Variants in KCNIP4 observed in about 807,000 individuals in gnomAD.
KCNIP4 encodes Kv channel-interacting protein 4.
A neutral mutation model predicts 34.0 loss-of-function variants in KCNIP4; 12 were observed. The ratio of observed to expected loss-of-function variants is 0.35; its 90% confidence interval spans 0.23 to 0.57. The LOEUF (loss-of-function observed/expected upper bound fraction) is 0.57, where lower values mean the gene tolerates loss of function less well. Ranked by LOEUF, KCNIP4 falls within the 20% of genes least tolerant of loss-of-function variation. The pLI is 0.83. For synonymous variants in KCNIP4, 124 were observed against 102.2 expected, an observed-to-expected ratio of 1.21 and a Z score of -1.29; for missense variants, 238 against 311.7, an observed-to-expected ratio of 0.76 and a Z score of 1.78.
chr4:21,375,680 C>T (rs543025462), intron 1 of KCNIP4, among the ~76,000 whole-genome samples: 44 of 152,030 alleles, frequency 2.9e-4, no homozygotes, highest in Middle Eastern at 6.8e-3. Flanking sequence ...TGTTGTCTTG[C>T]CTCAGCCTCC....
rs562142930 is a variant in KCNIP4 at position 21,560,301 on chromosome 4, A to T, written c.61+388270T>A. ...GATTTTCAGATTATTGGATCTACAT[A>T]TTTACCATAACTCTGATTAAAGGCC... On this transcript the variant is annotated intron_variant, in intron 1 of 8. Transcript: ENST00000382152. Among the ~76,000 whole-genome samples the T allele has an allele frequency of 7.3e-4, 111 of 152,188 alleles. 1 individual carries two copies. Among genetic ancestry groups the T allele is most frequent in the Middle Eastern group, 3.4e-3 (1 of 294 alleles).
intron 1 of KCNIP4, among the ~76,000 whole-genome samples, chr4:21,715,940 G>A (rs972971349): frequency 1.3e-5 from 2 of 152,130 alleles, no homozygotes; most frequent in South Asian, 2.1e-4. Context: ...ATTAGGGAAG[G>A]AACTGTAAAA....
intron 1 of KCNIP4, among the ~76,000 whole-genome samples, chr4:21,924,937 T>A (rs1201557728): frequency 6.6e-6 from 1 of 152,098 alleles, no homozygotes; most frequent in East Asian, 1.9e-4. Context: ...TCCTGAGTCC[T>A]TAAGATAGTG....
intron 1 of KCNIP4, among the ~76,000 whole-genome samples, chr4:21,141,694 A>G (rs772224473): frequency 1.3e-5 from 2 of 152,160 alleles, no homozygotes; most frequent in Non-Finnish European, 1.5e-5. Flanking sequence ...ATTGAAATGT[A>G]CACTTTAATT....
intron 1 of KCNIP4, among the ~76,000 whole-genome samples, chr4:21,467,296 G>A (rs575467146): frequency 6.6e-6 from 1 of 152,232 alleles, no homozygotes; most frequent in East Asian, 1.9e-4. Flanking sequence ...AAAAAATGTA[G>A]GTTTCCTGCA....
intron 1 of KCNIP4, among the ~76,000 whole-genome samples, chr4:21,082,166 T>C (rs1746061130): frequency 6.6e-6 from 1 of 151,808 alleles, no homozygotes; most frequent in Non-Finnish European, 1.5e-5. Flanking sequence ...GTGTTAGAAA[T>C]AAATATAATG....
rs1756497751 is a variant in KCNIP4 at position 20,777,742 on chromosome 4, TGTA to T, written c.289-18855_289-18853del. Among the ~76,000 whole-genome samples, 3 of 152,126 alleles carry T rather than the reference TGTA, an allele frequency of 2.0e-5. No individual in the cohort carries two copies. In the South Asian group the frequency reaches 6.2e-4, roughly 32 times the overall value. On this transcript the variant is annotated intron_variant, in intron 3 of 8. Transcript: ENST00000382152. ...GTTGTAGATTGCAGAGATGAATTAG[TGTA>T]GTTTATGAAACCATGAAGTTTGACG...
intron 1 of KCNIP4, among the ~76,000 whole-genome samples, chr4:21,368,110 T>A (rs1719968501): frequency 6.8e-6 from 1 of 147,118 alleles, no homozygotes; most frequent in East Asian, 2.0e-4. Context: ...TCCAGCTCTA[T>A]CACTTTTAGT....
At chr4:21,833,176 A>G (rs1723103406) in intron 1 of KCNIP4, among the ~76,000 whole-genome samples, 1 of 151,510 alleles carries the variant, frequency 6.6e-6, no homozygotes, top group Admixed American at 6.6e-5. Flanking sequence ...ACTGACTTCC[A>G]CAATGGTTGA....
At chr4:20,820,384 A>C (rs1389792361) in intron 3 of KCNIP4, among the ~76,000 whole-genome samples, 1 of 152,218 alleles carries the variant, frequency 6.6e-6, no homozygotes, top group African/African-American at 2.4e-5. Flanking sequence ...GGTGGAAGAA[A>C]CTGCTAAGCA....
intron 1 of KCNIP4, among the ~76,000 whole-genome samples, chr4:21,867,779 A>G (rs1725520881): frequency 1.3e-5 from 2 of 152,252 alleles, no homozygotes; most frequent in Admixed American, 6.5e-5. Context: ...TATTCTAAAT[A>G]AATCTTTTCA....
chr4:20,860,579 T>G (rs1722090566), intron 2 of KCNIP4, among the ~76,000 whole-genome samples: 1 of 152,228 alleles, frequency 6.6e-6, no homozygotes, highest in African/African-American at 2.4e-5. Context: ...CTGCTTGACT[T>G]ATATTGCTTT....
intron 1 of KCNIP4, among the ~76,000 whole-genome samples, chr4:21,708,800 C>T (rs983177434): frequency 6.6e-6 from 1 of 152,134 alleles, no homozygotes. Context: ...CCTGTGGTGT[C>T]CATTGGAACC....
chr4:21,222,457 T>C lies in KCNIP4; in HGVS notation c.62-339748A>G, dbSNP rs563132007. Among the ~76,000 whole-genome samples, 89 of 152,300 alleles carry C rather than the reference T, an allele frequency of 5.8e-4. 1 individual carries two copies. The highest frequency in any genetic ancestry group is 2.1e-3 in the African/African-American group (89 of 41,558). On this transcript the variant is annotated intron_variant, in intron 1 of 8. Coordinates refer to ENST00000382152, the MANE Select transcript of KCNIP4 (RefSeq NM_025221.6). ...GAAGGCAGCACATACCTCACCCTAT[T>C]TATAAAATTTCTTTCAATTTTATAA...
At chr4:21,100,142 C>A (rs1747809472) in intron 1 of KCNIP4, among the ~76,000 whole-genome samples, 1 of 152,162 alleles carries the variant, frequency 6.6e-6, no homozygotes, top group African/African-American at 2.4e-5. Context: ...GAGTCGACTC[C>A]AATTTTAAAA....
intron 1 of KCNIP4, among the ~76,000 whole-genome samples, chr4:21,501,244 TCTCTCACACA>T (rs1357146565): frequency 3.5e-5 from 5 of 142,452 alleles, no homozygotes; most frequent in South Asian, 2.3e-4. Context: ...TCTCTCTCTC[TCTCTCACACA>T]CACACACACA....
chr4:21,891,367 A>C (rs1727082360), intron 1 of KCNIP4, among the ~76,000 whole-genome samples: 2 of 152,068 alleles, frequency 1.3e-5, no homozygotes, highest in South Asian at 4.1e-4. Flanking sequence ...ACATCAATGA[A>C]CCTTAAAACT....
chr4:21,087,018 C>T (rs1165162781), intron 1 of KCNIP4, among the ~76,000 whole-genome samples: 2 of 145,686 alleles, frequency 1.4e-5, no homozygotes, highest in East Asian at 4.1e-4. Flanking sequence ...CTTGCTCTGT[C>T]ACCCAGGCTG....
At chr4:21,102,317 C>A (rs189459704) in intron 1 of KCNIP4, among the ~76,000 whole-genome samples, 193 of 152,218 alleles carry the variant, frequency 1.3e-3, no homozygotes, top group Middle Eastern at 3.4e-3. Context: ...AATGAAAGAA[C>A]AATTATGCTA....
Sources: gnomAD v4.1 joint callset for allele counts (sites outside exome capture counted in the v4.1 genomes callset) on GRCh38, gnomAD v4.1.1 for gene constraint, MANE v1.5 for transcripts, NCBI Gene and HGNC (gene_info 2026-07-23, HGNC 2026-07-21) for gene names.